LRP1B: variants seen among roughly 807,000 people sequenced by gnomAD.
LRP1B encodes the protein low-density lipoprotein receptor-related protein 1B.
In LRP1B, 217 loss-of-function variants were observed where a neutral mutation model predicts 556.6. The ratio of observed to expected loss-of-function variants is 0.39; its 90% CI spans 0.35 to 0.44. LRP1B has a LOEUF of 0.44. LRP1B is among the 20% of genes least tolerant of loss of function. LRP1B has a pLI of 1.00. For synonymous variants in LRP1B, 2,047 were observed against 1,865.8 expected (o/e 1.10, Z -2.50); for missense variants, 5,053 against 5,620.8 (o/e 0.90, Z 3.23).
chr2:141,925,863 T>A (rs1245310771), intron 1 of LRP1B, among the ~76,000 whole-genome samples: 1 of 152,208 alleles, frequency 6.6e-6, no homozygotes, highest in Non-Finnish European at 1.5e-5. Flanking sequence ...AGCCCTGTAT[T>A]TCTTTGTAGG....
intron 7 of LRP1B, among the ~76,000 whole-genome samples, chr2:141,155,537 T>C (rs956091948): frequency 2.0e-5 from 3 of 151,902 alleles, no homozygotes; most frequent in African/African-American, 7.2e-5. Context: ...TGCAGGTTTG[T>C]TACATAGGTA....
intron 1 of LRP1B, among the ~76,000 whole-genome samples, chr2:142,125,964 ACTAT>A (rs1393504696): frequency 1.3e-5 from 2 of 151,900 alleles, no homozygotes; most frequent in African/African-American, 4.8e-5. Flanking sequence ...AAGTTTTAAA[ACTAT>A]CTAAGGTAGA....
intron 23 of LRP1B, 132 bp downstream of exon 23, chr2:140,902,784 AAAAT>A: frequency 1.1e-6 from 1 of 897,280 alleles, no homozygotes; most frequent in Non-Finnish European, 1.7e-6. Context: ...TAGTAGGTCT[AAAAT>A]AACACATTAT....
intron 1 of LRP1B, among the ~76,000 whole-genome samples, chr2:141,825,100 TA>T (rs1696880074): frequency 6.6e-6 from 1 of 152,206 alleles, no homozygotes. Flanking sequence ...GTGAGTCAAT[TA>T]AAGCTCTTTT....
At chr2:142,094,617 G>A (rs1706292946) in intron 1 of LRP1B, among the ~76,000 whole-genome samples, 1 of 151,882 alleles carries the variant, frequency 6.6e-6, no homozygotes, top group Admixed American at 6.6e-5. Context: ...TAAAATGATT[G>A]TTAAATTGAA....
At chr2:140,876,830 T>C (rs1226781753) in intron 25 of LRP1B, among the ~76,000 whole-genome samples, 4 of 152,152 alleles carry the variant, frequency 2.6e-5, no homozygotes, top group African/African-American at 7.2e-5. Flanking sequence ...CTGCACTGTA[T>C]ACAAATAATC....
chr2:140,276,170 G>A (rs948684996), intron 84 of LRP1B, among the ~76,000 whole-genome samples: 6 of 151,896 alleles, frequency 4.0e-5, no homozygotes, highest in African/African-American at 1.2e-4. Flanking sequence ...CTGCTATATT[G>A]ACAATTATAA....
At chr2:141,533,612 T>C (rs4611596) in intron 2 of LRP1B, among the ~76,000 whole-genome samples, 52,045 of 152,036 alleles carry the variant, frequency 0.34, 9,871 homozygotes, top group Non-Finnish European at 0.43. Flanking sequence ...AATATCGGAA[T>C]CTCCTACTAA....
At chr2:141,241,209 G>A (rs1683863035) in intron 5 of LRP1B, among the ~76,000 whole-genome samples, 1 of 152,150 alleles carries the variant, frequency 6.6e-6, no homozygotes, top group Admixed American at 6.6e-5. Context: ...TGAATGATTG[G>A]CCAGAAAAGA....
chr2:140,988,383 G>T (rs1030328333), intron 17 of LRP1B, among the ~76,000 whole-genome samples: 1 of 151,998 alleles, frequency 6.6e-6, no homozygotes, highest in African/African-American at 2.4e-5. Context: ...TTTTAATCAG[G>T]GGACAAGAGA....
chr2:142,074,234 G>A (rs1393981472), intron 1 of LRP1B, among the ~76,000 whole-genome samples: 2 of 151,934 alleles, frequency 1.3e-5, no homozygotes, highest in Non-Finnish European at 2.9e-5. Context: ...AATTAATACT[G>A]GCAAGTTTTA....
intron 5 of LRP1B, among the ~76,000 whole-genome samples, chr2:141,244,899 A>C (rs1024052804): frequency 6.6e-6 from 1 of 152,128 alleles, no homozygotes; most frequent in Admixed American, 6.6e-5. Context: ...TCATCAAGCA[A>C]AAGACCTAGA....
intron 86 of LRP1B, among the ~76,000 whole-genome samples, chr2:140,255,051 CTG>C (rs1429271911): frequency 2.6e-5 from 4 of 152,042 alleles, no homozygotes; most frequent in South Asian, 2.1e-4. Flanking sequence ...TTGAAATAAA[CTG>C]AGATAAAATG....
At chr2:140,438,380 AG>A (rs1686280556) in intron 66 of LRP1B, among the ~76,000 whole-genome samples, 1 of 152,292 alleles carries the variant, frequency 6.6e-6, no homozygotes, top group Admixed American at 6.5e-5. Context: ...GAATACTTAT[AG>A]CTTATAGCTA....
intron 2 of LRP1B, among the ~76,000 whole-genome samples, chr2:141,661,921 C>A (rs533911548): frequency 6.6e-6 from 1 of 152,212 alleles, no homozygotes; most frequent in African/African-American, 2.4e-5. Context: ...ATGTTAAGGG[C>A]AGCCAGAGAG....
intron 83 of LRP1B, among the ~76,000 whole-genome samples, chr2:140,309,631 A>C (rs1291078598): frequency 1.3e-5 from 2 of 151,840 alleles, no homozygotes; most frequent in African/African-American, 4.8e-5. Flanking sequence ...CAGTAAAAAT[A>C]ATTATCATGA....
chr2:141,821,392 T>C (rs1428143680), intron 1 of LRP1B, among the ~76,000 whole-genome samples: 1 of 152,214 alleles, frequency 6.6e-6, no homozygotes, highest in African/African-American at 2.4e-5. Flanking sequence ...CCTTAGTCGC[T>C]TTCTTTTAGT....
At chr2:141,327,094 A>C (rs1687457511) in intron 3 of LRP1B, among the ~76,000 whole-genome samples, 1 of 152,148 alleles carries the variant, frequency 6.6e-6, no homozygotes. Context: ...AAAAAGAAAG[A>C]ACTTAAAATG....
chr2:141,375,720 A>G (rs1227740623), intron 3 of LRP1B, among the ~76,000 whole-genome samples: 3 of 152,122 alleles, frequency 2.0e-5, no homozygotes, highest in African/African-American at 7.2e-5. Flanking sequence ...TGGTCCTGGG[A>G]CCAGATAAGA....
Sources: gnomAD v4.1 joint callset for allele counts (sites outside exome capture counted in the v4.1 genomes callset) on GRCh38, gnomAD v4.1.1 for gene constraint, MANE v1.5 for transcripts, NCBI Gene and HGNC (gene_info 2026-07-23, HGNC 2026-07-21) for gene names.